Variants in CFAP43 observed in about 807,000 individuals in gnomAD.
CFAP43 encodes the protein cilia- and flagella-associated protein 43.
A neutral mutation model predicts 218.9 loss-of-function variants in CFAP43; 155 were observed. The observed-to-expected ratio is 0.71, with a 90% CI of 0.62 to 0.81. The LOEUF is 0.81. CFAP43 is among the 30% of genes least tolerant of loss of function. The pLI is 0.00. For missense variants in CFAP43, 1,778 were observed against 1,954.3 expected (o/e 0.91, Z 1.70); for synonymous variants, 645 against 681.3 (o/e 0.95, Z 0.83).
intron 20 of CFAP43, among the ~76,000 whole-genome samples, chr10:104,169,657 A>T (rs554586506): frequency 2.4e-4 from 37 of 152,154 alleles, no homozygotes; most frequent in African/African-American, 8.4e-4. Flanking sequence ...ACTAGATAAG[A>T]CTAATATCTC....
intron 30 of CFAP43, among the ~76,000 whole-genome samples, 187 bp downstream of exon 30, chr10:104,146,076 T>C (rs1206806736): frequency 6.6e-6 from 1 of 152,234 alleles, no homozygotes; most frequent in East Asian, 1.9e-4. Flanking sequence ...GAGAAGCTTA[T>C]AAAAATTCAT....
intron 12 of CFAP43, among the ~76,000 whole-genome samples, chr10:104,191,388 G>T (rs1013159436): frequency 1.6e-4 from 25 of 152,066 alleles, no homozygotes; most frequent in African/African-American, 6.0e-4. Flanking sequence ...ATTTTGAGCA[G>T]GAATACTAAT....
At chr10:104,201,660 A>G (rs928043317) in intron 8 of CFAP43, among the ~76,000 whole-genome samples, 6 of 142,534 alleles carry the variant, frequency 4.2e-5, no homozygotes, top group Non-Finnish European at 7.5e-5. Context: ...GTTCAATATT[A>G]TTTTTAAAAC....
Position 104,145,468 on chromosome 10 carries a change from A to G in CFAP43, c.3944+8T>C. On this transcript the variant is annotated splice_region_variant and intron_variant, in intron 31 of 37. Coordinates refer to ENST00000357060, the MANE Select transcript of CFAP43 (RefSeq NM_025145.7). ...TCTCAGAAACACAATAGTGAAGGAG[A>G]AACAAACCTTGGTCGGCGTTTAAAA... The G allele has an allele frequency of 6.3e-7, 1 of 1,581,514 alleles. No individual in the cohort carries two copies. Among genetic ancestry groups the G allele is most frequent in the Non-Finnish European group, 8.7e-7 (1 of 1,155,954 alleles).
At chr10:104,191,733 G>T (rs544910928) in intron 12 of CFAP43, among the ~76,000 whole-genome samples, 27 of 150,254 alleles carry the variant, frequency 1.8e-4, no homozygotes, top group African/African-American at 5.9e-4. Flanking sequence ...TTGGCAAAGT[G>T]TGAGGAGCAA....
At chr10:104,133,450 G>A (rs2087290378) in intron 35 of CFAP43, 170 bp downstream of exon 35, 1 of 641,806 alleles carries the variant, frequency 1.6e-6, no homozygotes, top group Non-Finnish European at 2.4e-6. Flanking sequence ...AAGAACTGGA[G>A]GCTGCAAATG....
intron 23 of CFAP43, among the ~76,000 whole-genome samples, chr10:104,165,592 T>C (rs2089112633): frequency 1.3e-5 from 2 of 152,190 alleles, no homozygotes; most frequent in African/African-American, 4.8e-5. Context: ...CAGCATTCAA[T>C]TTCAAACTAT....
chr10:104,135,822 T>G (rs907355381), intron 34 of CFAP43, among the ~76,000 whole-genome samples: 4 of 151,914 alleles, frequency 2.6e-5, no homozygotes, highest in Non-Finnish European at 5.9e-5. Flanking sequence ...TGCCAAAATT[T>G]CAATGGCTTT....
intron 16 of CFAP43, among the ~76,000 whole-genome samples, chr10:104,184,211 T>C (rs186784293): frequency 2.0e-4 from 30 of 152,302 alleles, no homozygotes; most frequent in Non-Finnish European, 4.1e-4. Flanking sequence ...GGAATTTCGT[T>C]TATAGTTTAA....
At position 104,182,420 on chromosome 10, in the gene CFAP43, A is replaced by G. The variant is rs1250279310; in HGVS notation, c.2235T>C (p.Tyr745=). The part of the protein sequence containing the change: ...LSSAMDKENH[Y]LSTTPKVSVD... Reference sequence around the variant, plus strand: ...CGGAAACTTTTGGTGTTGTGCTTAAATAATGATTCTCCTTGTCCATGGCGC... The same window carrying G: ...CGGAAACTTTTGGTGTTGTGCTTAAGTAATGATTCTCCTTGTCCATGGCGC... The change falls in exon 17 of 38, where the codon TAT becomes TAC. Residue 745 remains tyrosine, a synonymous_variant. Transcript: ENST00000357060. The G allele has an allele frequency of 6.2e-7, 1 of 1,612,186 alleles. No individual in the cohort carries two copies. The highest frequency in any genetic ancestry group is 1.7e-5 in the Admixed American group (1 of 59,628).
At chr10:104,219,121 C>T (rs561905560) in intron 3 of CFAP43, among the ~76,000 whole-genome samples, 1 of 151,820 alleles carries the variant, frequency 6.6e-6, no homozygotes, top group African/African-American at 2.4e-5. Flanking sequence ...CCCATTGCCT[C>T]CCCTAAATTC....
intron 4 of CFAP43, 131 bp downstream of exon 4, chr10:104,214,124 CGTAT>C (rs2090945209): frequency 1.4e-6 from 1 of 734,062 alleles, no homozygotes; most frequent in African/African-American, 1.8e-5. Flanking sequence ...ATAAGCTGAA[CGTAT>C]GTGTGTGTAT....
At position 104,214,386 on chromosome 10, in the gene CFAP43, G is replaced by C. The variant is rs1324423517; in HGVS notation, c.457C>G (p.Pro153Ala). 1 of 1,603,984 alleles carries C rather than the reference G, an allele frequency of 6.2e-7. No homozygotes were observed. Among genetic ancestry groups the C allele is most frequent in the South Asian group, 1.1e-5 (1 of 89,084 alleles). ...SSIILCKKSQ[P>A]GMDVNQMSFN... ...GACATTTGGTTCACATCCATTCCAG[G>C]CTGTGATTTCTTACACAAAATGATA... Residue 153 changes from proline (P) to alanine (A), a missense_variant, in exon 4 of 38, where the codon CCT (proline) becomes GCT (alanine). By Grantham distance (27) the Pro-to-Ala change is conservative. This residue lies in a region of CFAP43 where 1,553 missense variants were observed against 1,685.2 expected (regional missense o/e 0.92). Coordinates refer to ENST00000357060, the MANE Select transcript of CFAP43 (RefSeq NM_025145.7).
intron 34 of CFAP43, among the ~76,000 whole-genome samples, chr10:104,135,672 A>G (rs2087407666): frequency 1.3e-5 from 2 of 152,210 alleles, no homozygotes; most frequent in African/African-American, 2.4e-5. Flanking sequence ...GTTTATCTAA[A>G]AAGTGTGTGT....
chr10:104,160,265 T>C (rs528147720), intron 27 of CFAP43, among the ~76,000 whole-genome samples: 3 of 152,236 alleles, frequency 2.0e-5, no homozygotes, highest in Non-Finnish European at 4.4e-5. Flanking sequence ...TCAGTATTAC[T>C]GATTTTGGCT....
Position 104,133,770 on chromosome 10 carries a change from C to A in CFAP43, c.4446G>T (p.Lys1482Asn). The A allele has an allele frequency of 6.2e-7, 1 of 1,610,028 alleles. No individual in the cohort carries two copies. The highest frequency in any genetic ancestry group is 8.5e-7 in the Non-Finnish European group (1 of 1,178,584). The change falls in exon 35 of 38, where the codon AAG becomes AAT. Residue 1482 changes from lysine (K) to asparagine (N), a missense_variant. Around this residue, in one of 3 missense-constraint regions of CFAP43, gnomAD observed 211 missense variants for 230.6 expected, o/e 0.91. Transcript: ENST00000357060. ...TACTTTCCATCATGCTAGCAACTTT[C>A]TTTTGTCCTTGAGTCTTTAAAAAAG... ...LNSVIRTQGQ[K>N]KVASMMESKD...
intron 8 of CFAP43, among the ~76,000 whole-genome samples, chr10:104,202,511 T>C (rs1284943176): frequency 1.3e-5 from 2 of 152,230 alleles, no homozygotes; most frequent in African/African-American, 4.8e-5. Flanking sequence ...ATCAAACATA[T>C]GTTAGATCTT....
At chr10:104,165,967 A>G (rs555914187) in intron 23 of CFAP43, among the ~76,000 whole-genome samples, 1 of 152,354 alleles carries the variant, frequency 6.6e-6, no homozygotes, top group East Asian at 1.9e-4. Flanking sequence ...AAAACTTGGT[A>G]TCACAGTAAC....
At chr10:104,164,051 T>C in intron 24 of CFAP43, 43 bp downstream of exon 24, 4 of 1,597,848 alleles carry the variant, frequency 2.5e-6, no homozygotes, top group Non-Finnish European at 2.6e-6. Context: ...CTGGGGAAAG[T>C]CTCCTGAGAA....
Sources: allele counts gnomAD v4.1 joint callset (sites outside exome capture counted in the v4.1 genomes callset), GRCh38; gene constraint gnomAD v4.1.1; regional missense constraint gnomAD v4.1.1; transcripts MANE v1.5; gene names NCBI Gene and HGNC (gene_info 2026-07-23, HGNC 2026-07-21).